Variants in GUCY2F observed in about 807,000 individuals in gnomAD.
GUCY2F encodes retinal guanylyl cyclase 2.
GUCY2F carries 61 observed loss-of-function variants against 73.1 expected under a neutral mutation model. The observed-to-expected ratio is 0.83, with a 90% CI of 0.68 to 1.03. GUCY2F has a LOEUF of 1.03. Ranked by LOEUF, GUCY2F falls within the 50% of genes least tolerant of loss-of-function variation. The pLI is 0.00. For missense variants in GUCY2F, 912 were observed against 854.3 expected, an observed-to-expected ratio of 1.07 and a Z score of -0.84; for synonymous variants, 331 against 307.8, an observed-to-expected ratio of 1.08 and a Z score of -0.79.
intron 17 of GUCY2F, among the ~76,000 whole-genome samples, chrX:109,377,375 C>G (rs138873231): frequency 3.5e-3 from 386 of 111,545 alleles, no homozygotes; most frequent in Non-Finnish European, 5.0e-3. Context: ...TATATTCCAT[C>G]ACTCATTCTT....
At chrX:109,394,133 T>TA (rs1930645942) in intron 12 of GUCY2F, among the ~76,000 whole-genome samples, 1 of 111,886 alleles carries the variant, frequency 8.9e-6, no homozygotes, top group African/African-American at 3.2e-5. Context: ...GGAAGTTAGG[T>TA]GGCTAGCCTT....
At chrX:109,414,432 T>C (rs956786738) in intron 8 of GUCY2F, among the ~76,000 whole-genome samples, 5 of 112,350 alleles carry the variant, frequency 4.5e-5, no homozygotes, top group African/African-American at 1.6e-4. Flanking sequence ...AATGGTCATA[T>C]AGAACACATT....
intron 8 of GUCY2F, among the ~76,000 whole-genome samples, chrX:109,430,054 G>T (rs778481176): frequency 8.9e-6 from 1 of 112,134 alleles, no homozygotes; most frequent in Non-Finnish European, 1.9e-5. Context: ...CTAAGACTTA[G>T]GGAGTTTAGA....
chrX:109,397,823 A>G (rs1457575292), intron 11 of GUCY2F, among the ~76,000 whole-genome samples: 1 of 106,057 alleles, frequency 9.4e-6, no homozygotes, highest in Non-Finnish European at 1.9e-5. Flanking sequence ...TCATTATTAG[A>G]TTGAGGTTAT....
At chrX:109,395,701 G>T (rs768862269) in intron 11 of GUCY2F, among the ~76,000 whole-genome samples, 1 of 111,928 alleles carries the variant, frequency 8.9e-6, no homozygotes, top group Non-Finnish European at 1.9e-5. Context: ...AAATTAATCA[G>T]TTGGACTCTT....
At position 109,386,769 on chromosome X, in the gene GUCY2F, A is replaced by C. The variant is rs758014917; in HGVS notation, c.2957-1487T>G. 8.9e-5 allele frequency among the ~76,000 whole-genome samples: 10 copies of C among 112,003 alleles called. No homozygotes were observed. The East Asian group carries it at 2.8e-3, about 31-fold the overall frequency. On this transcript the variant is annotated intron_variant, in intron 15 of 19. Transcript: ENST00000218006. ...AATCAACAGATTTATTGGCTGTCTG[A>C]TTGACAACCATGAGAAAATTGCCAT...
intron 12 of GUCY2F, among the ~76,000 whole-genome samples, chrX:109,394,420 G>A (rs961657947): frequency 8.9e-6 from 1 of 112,140 alleles, no homozygotes; most frequent in Non-Finnish European, 1.9e-5. Flanking sequence ...GCTAATGGAG[G>A]CATTGTTAGC....
intron 15 of GUCY2F, among the ~76,000 whole-genome samples, chrX:109,385,815 T>A (rs1405142090): frequency 8.9e-6 from 1 of 112,271 alleles, no homozygotes; most frequent in Non-Finnish European, 1.9e-5. Flanking sequence ...AATCAAAGGA[T>A]ATTTTGCATT....
chrX:109,406,696 G>T, intron 9 of GUCY2F, among the ~76,000 whole-genome samples: 1 of 111,114 alleles, frequency 9.0e-6, no homozygotes, highest in Non-Finnish European at 1.9e-5. Context: ...AGGGACCCAG[G>T]GGGATGTAAT....
intron 8 of GUCY2F, among the ~76,000 whole-genome samples, chrX:109,420,669 CTCTTCACACAAGAAGATA>C (rs1403152704): frequency 9.0e-6 from 1 of 111,721 alleles, no homozygotes; most frequent in Admixed American, 9.4e-5. Flanking sequence ...CTTGAACAGG[CTCTTCACACAAGAAGATA>C]TACAAGTGAA....
In GUCY2F at chrX:109,430,379, C is replaced by T; in HGVS notation, c.1719G>A (p.Leu573=). 9.1e-7 allele frequency: 1 copy of T among 1,096,635 alleles called. No individual in the cohort carries two copies. Among genetic ancestry groups the T allele is most frequent in the Non-Finnish European group, 1.3e-6 (1 of 790,507 alleles). The allele number at this position is 1,096,635 out of a possible 1,213,427, so 90.4% of individuals were successfully genotyped here. The change falls in exon 8 of 20, where the codon CTG becomes CTA. Residue 573 remains leucine, a synonymous_variant. Coordinates refer to ENST00000218006, the MANE Select transcript of GUCY2F (RefSeq NM_001522.3). ...CAAAATCTCCAAGGGAGAACTTTTTCAGCCACACCCAATCACCCTAGAAAG... is the reference window on the plus strand; with the variant it reads ...CAAAATCTCCAAGGGAGAACTTTTTTAGCCACACCCAATCACCCTAGAAAG... ...IAIYEGDWVW[L]KKFSLGDFGD... is the part of the protein sequence containing the mutation.
At chrX:109,437,367 C>T (rs1478275419) in intron 7 of GUCY2F, among the ~76,000 whole-genome samples, 2 of 112,843 alleles carry the variant, frequency 1.8e-5, no homozygotes, top group African/African-American at 6.4e-5. Context: ...ATTCTGGGAA[C>T]TAACTTAGCT....
intron 6 of GUCY2F, 121 bp downstream of exon 6, chrX:109,447,948 A>T: frequency 3.0e-6 from 1 of 336,081 alleles, no homozygotes; most frequent in East Asian, 4.4e-5. Flanking sequence ...AAACCCACTG[A>T]GTACTTTACT....
intron 2 of GUCY2F, among the ~76,000 whole-genome samples, chrX:109,471,282 T>C (rs781698909): frequency 1.5e-4 from 17 of 111,871 alleles, no homozygotes; most frequent in Non-Finnish European, 1.1e-4. Context: ...GATTATACAA[T>C]CAGCCAAGCA....
intron 17 of GUCY2F, among the ~76,000 whole-genome samples, chrX:109,378,344 C>T (rs1403765452): frequency 9.0e-6 from 1 of 111,472 alleles, no homozygotes; most frequent in Non-Finnish European, 1.9e-5. Context: ...GCTTCTCCAA[C>T]ACACTGGAGT....
chrX:109,463,100 C>G (rs1195044570), intron 3 of GUCY2F, among the ~76,000 whole-genome samples: 1 of 111,360 alleles, frequency 9.0e-6, no homozygotes, highest in Non-Finnish European at 1.9e-5. Flanking sequence ...ATAAATCCTC[C>G]GAGCAGAAAG....
rs936966648 is a variant in GUCY2F at position 109,475,993 on chromosome X, C to G, written c.-57G>C. The G allele has an allele frequency of 3.8e-5, 40 of 1,057,712 alleles. No homozygotes were observed. In the African/African-American group the frequency reaches 7.2e-4, roughly 19 times the overall value. 87.2% of individuals were successfully genotyped at this position (1,057,712 alleles called of 1,213,427 possible). ...GATACTGGAGAGTTATTCTGCTTTC[C>G]CGACACAGACGGTGGTGTTTCCAAA... On this transcript the variant is annotated 5_prime_UTR_variant, in exon 2 of 20. Transcript: ENST00000218006.
At chrX:109,443,232 T>C (rs1931915771) in intron 6 of GUCY2F, among the ~76,000 whole-genome samples, 1 of 111,319 alleles carries the variant, frequency 9.0e-6, no homozygotes, top group Admixed American at 9.6e-5. Context: ...CCAAGAGCTA[T>C]GTTCTTCTAG....
intron 2 of GUCY2F, among the ~76,000 whole-genome samples, chrX:109,467,499 T>C (rs971069108): frequency 1.8e-5 from 2 of 112,794 alleles, no homozygotes; most frequent in Non-Finnish European, 3.7e-5. Context: ...ATGGAAAATG[T>C]TAAATAGAAC....
Sources: allele counts gnomAD v4.1 joint callset (sites outside exome capture counted in the v4.1 genomes callset), GRCh38; gene constraint gnomAD v4.1.1; transcripts MANE v1.5; gene names NCBI Gene and HGNC (gene_info 2026-07-23, HGNC 2026-07-21).